Variants in CNBD1 observed in about 807,000 individuals in gnomAD.
The protein encoded by CNBD1 is cyclic nucleotide binding domain containing 1, also known as cyclic nucleotide-binding domain-containing protein 1.
CNBD1 carries 71 observed loss-of-function variants against 54.4 expected under a neutral mutation model. The ratio of observed to expected loss-of-function variants is 1.30; its 90% confidence interval spans 1.08 to 1.59. CNBD1 has a LOEUF of 1.59. Among genes scored for constraint, CNBD1 ranks in the 40% most tolerant of loss-of-function variants. The probability of loss-of-function intolerance (pLI) is 0.00; values close to 1 mark genes in which losing one functional copy is unlikely to be tolerated. For missense variants in CNBD1, 659 were observed against 518.0 expected (o/e 1.27, Z -2.64); for synonymous variants, 182 against 170.7 (o/e 1.07, Z -0.51).
At chr8:87,122,582 T>A (rs1266780100) in intron 4 of CNBD1, among the ~76,000 whole-genome samples, 4 of 151,888 alleles carry the variant, frequency 2.6e-5, no homozygotes, top group Non-Finnish European at 5.9e-5. Flanking sequence ...TGCCTGTGTT[T>A]TAGGAGTCGT....
intron 4 of CNBD1, among the ~76,000 whole-genome samples, chr8:87,108,518 A>C (rs1811590428): frequency 6.6e-6 from 1 of 152,154 alleles, no homozygotes; most frequent in Non-Finnish European, 1.5e-5. Context: ...GCATTGTTTA[A>C]AAGCTTCACA....
intron 1 of CNBD1, among the ~76,000 whole-genome samples, chr8:86,879,503 A>G (rs1808571620): frequency 6.6e-6 from 1 of 152,184 alleles, no homozygotes; most frequent in Admixed American, 6.5e-5. Context: ...AAGTTGAGTA[A>G]TGATCCAAAG....
chr8:86,969,484 G>A (rs994745605), intron 4 of CNBD1, among the ~76,000 whole-genome samples: 1 of 151,878 alleles, frequency 6.6e-6, no homozygotes, highest in Non-Finnish European at 1.5e-5. Context: ...TAATGTTTAG[G>A]AAATTTTACT....
intron 10 of CNBD1, among the ~76,000 whole-genome samples, chr8:87,376,811 G>A (rs1246658706): frequency 1.3e-5 from 2 of 151,678 alleles, no homozygotes; most frequent in Non-Finnish European, 2.9e-5. Context: ...TGTAAGTATT[G>A]GAGCCAGAAT....
At chr8:87,156,224 T>C (rs1046822049) in intron 4 of CNBD1, among the ~76,000 whole-genome samples, 26 of 142,086 alleles carry the variant, frequency 1.8e-4, no homozygotes, top group Admixed American at 4.8e-4. Context: ...TCATATTTAT[T>C]GTGTTCATAA....
At chr8:87,254,815 G>T (rs67826771) in intron 6 of CNBD1, among the ~76,000 whole-genome samples, 43,431 of 151,992 alleles carry the variant, frequency 0.29, 6,704 homozygotes, top group African/African-American at 0.4. Context: ...CGTTAGGTCA[G>T]TTCCTTGCTT....
intron 1 of CNBD1, among the ~76,000 whole-genome samples, chr8:86,871,512 T>A (rs1563805853): frequency 6.6e-6 from 1 of 152,236 alleles, no homozygotes; most frequent in Non-Finnish European, 1.5e-5. Context: ...CATTACAATC[T>A]ATTTTCCACA....
At chr8:86,941,070 A>T (rs1809647554) in intron 4 of CNBD1, among the ~76,000 whole-genome samples, 1 of 152,232 alleles carries the variant, frequency 6.6e-6, no homozygotes, top group Non-Finnish European at 1.5e-5. Context: ...GTGACACATG[A>T]CTATGATTGC....
intron 6 of CNBD1, among the ~76,000 whole-genome samples, chr8:87,259,413 G>C (rs933795181): frequency 6.6e-6 from 1 of 152,114 alleles, no homozygotes; most frequent in Admixed American, 6.6e-5. Flanking sequence ...AAAGCATTTA[G>C]CAAACCTAAT....
At chr8:87,031,125 A>T (rs1018576571) in intron 4 of CNBD1, among the ~76,000 whole-genome samples, 3 of 151,532 alleles carry the variant, frequency 2.0e-5, no homozygotes, top group African/African-American at 7.3e-5. Context: ...ACTTTTCAGC[A>T]TCGATATATA....
chr8:87,386,810 T>C (rs1811199511), downstream of CNBD1, among the ~76,000 whole-genome samples: 1 of 152,144 alleles, frequency 6.6e-6, no homozygotes, highest in Non-Finnish European at 1.5e-5. Context: ...AATTGTCAGA[T>C]TCAACAAAGT....
intron 4 of CNBD1, among the ~76,000 whole-genome samples, chr8:87,173,711 T>G (rs1206199642): frequency 1.3e-5 from 2 of 151,752 alleles, no homozygotes; most frequent in African/African-American, 4.8e-5. Flanking sequence ...CCTTTGGGAG[T>G]TTGATTATTA....
At chr8:86,995,243 TG>T (rs910312071) in intron 4 of CNBD1, among the ~76,000 whole-genome samples, 1 of 152,132 alleles carries the variant, frequency 6.6e-6, no homozygotes, top group African/African-American at 2.4e-5. Flanking sequence ...TGAAACAGAA[TG>T]GGAAGTTCTA....
At chr8:87,376,831 A>G (rs570483806) in intron 10 of CNBD1, among the ~76,000 whole-genome samples, 2 of 151,804 alleles carry the variant, frequency 1.3e-5, no homozygotes, top group African/African-American at 4.8e-5. Context: ...TTCGGACCCA[A>G]TTCTGTCCAA....
At chr8:87,115,503 T>C (rs1811749773) in intron 4 of CNBD1, among the ~76,000 whole-genome samples, 1 of 152,154 alleles carries the variant, frequency 6.6e-6, no homozygotes, top group African/African-American at 2.4e-5. Context: ...ACTATTTCTA[T>C]TTTTCATCCA....
chr8:86,942,736 G>A (rs577800294), intron 4 of CNBD1, among the ~76,000 whole-genome samples: 1 of 152,230 alleles, frequency 6.6e-6, no homozygotes, highest in Admixed American at 6.5e-5. Flanking sequence ...CATAGATTCT[G>A]CCCCCACTCC....
At chr8:86,959,175 C>T (rs1017902471) in intron 4 of CNBD1, among the ~76,000 whole-genome samples, 3 of 152,156 alleles carry the variant, frequency 2.0e-5, no homozygotes, top group Admixed American at 6.5e-5. Flanking sequence ...TGAATATTGG[C>T]CTCCACTCTC....
At chr8:87,250,398 A>G (rs982660316) in intron 6 of CNBD1, among the ~76,000 whole-genome samples, 6 of 152,212 alleles carry the variant, frequency 3.9e-5, no homozygotes, top group Non-Finnish European at 5.9e-5. Context: ...TATAGGCACT[A>G]TGGAGAACAG....
intron 4 of CNBD1, among the ~76,000 whole-genome samples, chr8:87,082,043 C>G (rs1220096634): frequency 1.3e-5 from 2 of 152,294 alleles, no homozygotes; most frequent in Admixed American, 1.3e-4. Context: ...AATTGATTGT[C>G]AGGCCTCTGA....
Sources: gnomAD v4.1 joint callset for allele counts (sites outside exome capture counted in the v4.1 genomes callset) on GRCh38, gnomAD v4.1.1 for gene constraint, MANE v1.5 for transcripts, NCBI Gene and HGNC (gene_info 2026-07-23, HGNC 2026-07-21) for gene names.